GALNTL6: variants seen among roughly 807,000 people sequenced by gnomAD.
GALNTL6 encodes the protein polypeptide N-acetylgalactosaminyltransferase-like 6.
Under a neutral mutation model 73.7 loss-of-function variants are expected in GALNTL6, and 46 were observed. That is an observed-to-expected ratio of 0.62 (90% CI 0.49 to 0.80). The LOEUF (loss-of-function observed/expected upper bound fraction) is 0.80. Ranked by LOEUF, GALNTL6 falls within the 30% of genes least tolerant of loss-of-function variation. The probability of loss-of-function intolerance (pLI) is 0.00; values close to 1 mark genes in which losing one functional copy is unlikely to be tolerated. For synonymous variants in GALNTL6, 259 were observed against 263.7 expected, an observed-to-expected ratio of 0.98 and a Z score of 0.17; for missense variants, 604 against 755.0, an observed-to-expected ratio of 0.80 and a Z score of 2.34.
At chr4:172,909,003 A>G (rs1053586660) in intron 8 of GALNTL6, among the ~76,000 whole-genome samples, 1 of 151,894 alleles carries the variant, frequency 6.6e-6, no homozygotes, top group Non-Finnish European at 1.5e-5. Context: ...AATAAAATAC[A>G]TAATAAAACT....
At chr4:172,379,479 G>A (rs1743181285) in intron 5 of GALNTL6, among the ~76,000 whole-genome samples, 3 of 133,510 alleles carry the variant, frequency 2.2e-5, no homozygotes, top group Non-Finnish European at 3.1e-5. Context: ...GCAGTGAGCC[G>A]AGATTGCGCC....
chr4:171,874,139 T>C (rs929714508), intron 2 of GALNTL6, among the ~76,000 whole-genome samples: 2 of 152,214 alleles, frequency 1.3e-5, no homozygotes, highest in African/African-American at 4.8e-5. Flanking sequence ...ATAATAGATT[T>C]GACACAAACC....
intron 4 of GALNTL6, among the ~76,000 whole-genome samples, chr4:172,316,128 A>G (rs1399272171): frequency 1.3e-5 from 2 of 152,152 alleles, no homozygotes; most frequent in African/African-American, 4.8e-5. Context: ...CGTAAACATG[A>G]TATAATTAGT....
At position 172,440,377 on chromosome 4, in the gene GALNTL6, G is replaced by A. The variant is rs566783210; in HGVS notation, c.553+91688G>A. Among the ~76,000 whole-genome samples, 227 of 152,128 alleles carry A rather than the reference G, an allele frequency of 1.5e-3. 1 individual carries two copies. Among genetic ancestry groups the A allele is most frequent in the South Asian group, 4.6e-3 (22 of 4,828 alleles). On this transcript the variant is annotated intron_variant, in intron 5 of 12. Transcript: ENST00000506823. Reference sequence around the variant, plus strand: ...TACATTTTACCAAGTAAAAGAAGCCGATCTGGAAAGGCTACATACTATATG... The same window carrying A: ...TACATTTTACCAAGTAAAAGAAGCCAATCTGGAAAGGCTACATACTATATG...
chr4:172,961,211 G>A (rs1159183796), intron 10 of GALNTL6, among the ~76,000 whole-genome samples: 1 of 137,522 alleles, frequency 7.3e-6, no homozygotes, highest in African/African-American at 2.8e-5. Flanking sequence ...AAGTGGAGAA[G>A]GGGTAGAGAC....
chr4:172,470,083 T>C (rs1356230844), intron 5 of GALNTL6, among the ~76,000 whole-genome samples: 7 of 152,232 alleles, frequency 4.6e-5, no homozygotes, highest in Admixed American at 4.6e-4. Flanking sequence ...CGGCATGGAC[T>C]GATCCAGGTG....
chr4:173,034,004 A>T (rs1312431878), intron 12 of GALNTL6, among the ~76,000 whole-genome samples: 1 of 152,008 alleles, frequency 6.6e-6, no homozygotes, highest in East Asian at 1.9e-4. Context: ...CTAAAACTGA[A>T]CTCATTATCA....
At chr4:172,281,602 T>C (rs1739060144) in intron 3 of GALNTL6, among the ~76,000 whole-genome samples, 1 of 152,034 alleles carries the variant, frequency 6.6e-6, no homozygotes, top group Non-Finnish European at 1.5e-5. Context: ...TCCCAGCTAC[T>C]TGGGAGACTG....
intron 4 of GALNTL6, among the ~76,000 whole-genome samples, chr4:172,316,699 A>T (rs1346655314): frequency 1.3e-5 from 2 of 152,326 alleles, no homozygotes; most frequent in East Asian, 3.9e-4. Context: ...TAGCCCCAGA[A>T]ACGATTTGCT....
chr4:172,833,866 C>T (rs2111062644), intron 7 of GALNTL6, among the ~76,000 whole-genome samples: 2 of 152,188 alleles, frequency 1.3e-5, no homozygotes, highest in East Asian at 3.9e-4. Flanking sequence ...AGAAAAGACT[C>T]CCCTTTGGGA....
At chr4:172,354,570 A>G (rs1443420692) in intron 5 of GALNTL6, among the ~76,000 whole-genome samples, 1 of 152,092 alleles carries the variant, frequency 6.6e-6, no homozygotes, top group Non-Finnish European at 1.5e-5. Flanking sequence ...AACATACCAC[A>G]GTAATGTGCA....
At chr4:172,214,400 G>A (rs1736427316) in intron 2 of GALNTL6, among the ~76,000 whole-genome samples, 1 of 151,744 alleles carries the variant, frequency 6.6e-6, no homozygotes, top group African/African-American at 2.4e-5. Flanking sequence ...GCTCACTAGA[G>A]ATTTATCAAT....
At chr4:171,860,559 A>G (rs1735805869) in intron 2 of GALNTL6, among the ~76,000 whole-genome samples, 1 of 152,174 alleles carries the variant, frequency 6.6e-6, no homozygotes, top group African/African-American at 2.4e-5. Context: ...TCTACTTTAT[A>G]ATCCTTTAGC....
chr4:172,300,850 A>G (rs1222075688), intron 3 of GALNTL6, among the ~76,000 whole-genome samples: 1 of 151,870 alleles, frequency 6.6e-6, no homozygotes, highest in Non-Finnish European at 1.5e-5. Context: ...TGTGTCTTGG[A>G]GTTGCTCTTC....
At chr4:171,913,673 T>C (rs1004312609) in intron 2 of GALNTL6, among the ~76,000 whole-genome samples, 13 of 152,114 alleles carry the variant, frequency 8.5e-5, no homozygotes, top group Admixed American at 7.9e-4. Flanking sequence ...TCAAAGGAAA[T>C]TGATGAATTT....
intron 9 of GALNTL6, among the ~76,000 whole-genome samples, chr4:172,935,946 C>A (rs1306597299): frequency 6.6e-6 from 1 of 152,292 alleles, no homozygotes; most frequent in East Asian, 1.9e-4. Context: ...CCAGCATCAT[C>A]CTGATACCAA....
chr4:172,915,969 C>T, intron 8 of GALNTL6, among the ~76,000 whole-genome samples: 1 of 152,140 alleles, frequency 6.6e-6, no homozygotes, highest in East Asian at 1.9e-4. Flanking sequence ...GCCAATACCC[C>T]TGATGAACAG....
In GALNTL6 at chr4:172,597,209, G is replaced by A. The variant is rs1010963490; in HGVS notation, c.554-212152G>A. 3.9e-5 allele frequency among the ~76,000 whole-genome samples: 6 copies of A among 152,024 alleles called. No homozygotes were observed. In the South Asian group the frequency reaches 1.2e-3, roughly 32 times the overall value. Reference sequence around the variant, plus strand: ...CAAAACTAATGGATTTGCTACCCAGGGGACATCAATTGGATATGACACTGC... The same window carrying A: ...CAAAACTAATGGATTTGCTACCCAGAGGACATCAATTGGATATGACACTGC... On this transcript the variant is annotated intron_variant, in intron 5 of 12. Coordinates refer to ENST00000506823, the MANE Select transcript of GALNTL6 (RefSeq NM_001034845.3).
At chr4:171,877,818 A>G (rs1413225921) in intron 2 of GALNTL6, among the ~76,000 whole-genome samples, 1 of 152,226 alleles carries the variant, frequency 6.6e-6, no homozygotes, top group African/African-American at 2.4e-5. Flanking sequence ...ATAATGATTA[A>G]AAACCAAGTT....
Sources: gnomAD v4.1 joint callset for allele counts (sites outside exome capture counted in the v4.1 genomes callset) on GRCh38, gnomAD v4.1.1 for gene constraint, MANE v1.5 for transcripts, NCBI Gene and HGNC (gene_info 2026-07-23, HGNC 2026-07-21) for gene names.